B4GALNT3: variants seen among roughly 807,000 people sequenced by gnomAD.
B4GALNT3 encodes beta-1,4-N-acetylgalactosaminyltransferase 3.
In B4GALNT3, 86 loss-of-function variants were observed where a neutral mutation model predicts 120.2. The ratio of observed to expected loss-of-function variants is 0.72; its 90% CI spans 0.60 to 0.86. The LOEUF (loss-of-function observed/expected upper bound fraction) is 0.86, where lower values mean the gene tolerates loss of function less well. Ranked by LOEUF, B4GALNT3 falls within the 40% of genes least tolerant of loss-of-function variation. The pLI, the probability that B4GALNT3 is intolerant of heterozygous loss-of-function variation, is 0.00. For missense variants in B4GALNT3, 1,167 were observed against 1,298.9 expected (o/e 0.90, Z 1.56); for synonymous variants, 518 against 510.4 (o/e 1.01, Z -0.20).
intron 1 of B4GALNT3, among the ~76,000 whole-genome samples, chr12:491,404 A>G (rs1946338607): frequency 6.7e-6 from 1 of 150,222 alleles, no homozygotes; most frequent in South Asian, 2.1e-4. Flanking sequence ...ATCTTGGCTC[A>G]CTGCAGCCTC....
chr12:522,536 T>C (rs1231261315), intron 1 of B4GALNT3, among the ~76,000 whole-genome samples: 1 of 152,178 alleles, frequency 6.6e-6, no homozygotes, highest in Non-Finnish European at 1.5e-5. Flanking sequence ...AGTTCGTGTT[T>C]AATGGGTACG....
At position 470,204 on chromosome 12, in the gene B4GALNT3, C is replaced by T. The variant is rs77955453; in HGVS notation, c.169+9659C>T. Among the ~76,000 whole-genome samples, 665 of 152,290 alleles carry T rather than the reference C, an allele frequency of 4.4e-3. 10 individuals are homozygous for T. The highest frequency in any genetic ancestry group is 0.035 in the East Asian group (179 of 5,176). On this transcript the variant is annotated intron_variant, in intron 1 of 19. Coordinates refer to ENST00000266383, the MANE Select transcript of B4GALNT3 (RefSeq NM_173593.4). ...TGGCCCTGGTCTTTCAAGGCTCAGT[C>T]GCCTGAACCGAGAGGTGGCAGCTCT...
intron 1 of B4GALNT3, among the ~76,000 whole-genome samples, chr12:466,581 TG>T (rs1946083045): frequency 6.6e-6 from 1 of 152,088 alleles, no homozygotes; most frequent in Non-Finnish European, 1.5e-5. Context: ...GTGGAAGAGG[TG>T]AGAATAGTCG....
intron 1 of B4GALNT3, among the ~76,000 whole-genome samples, chr12:514,944 G>A (rs567216059): frequency 3.3e-5 from 5 of 152,210 alleles, no homozygotes; most frequent in South Asian, 2.1e-4. Flanking sequence ...CAAGAGAATC[G>A]CTTGAACCTG....
intron 3 of B4GALNT3, among the ~76,000 whole-genome samples, chr12:538,908 C>T (rs377346935): frequency 1.3e-5 from 2 of 152,290 alleles, no homozygotes; most frequent in African/African-American, 4.8e-5. Flanking sequence ...GTTAATAATA[C>T]ACATCGTTTA....
At chr12:557,891 A>G in intron 16 of B4GALNT3, 125 bp from the exon 17 acceptor site, 1 of 1,458,524 alleles carries the variant, frequency 6.9e-7, no homozygotes, top group Non-Finnish European at 9.4e-7. Flanking sequence ...CTTTTCCCAG[A>G]GGGCTCACCT....
chr12:534,694 G>A (rs1353041479), intron 1 of B4GALNT3, among the ~76,000 whole-genome samples: 4 of 152,154 alleles, frequency 2.6e-5, no homozygotes, highest in Admixed American at 6.5e-5. Flanking sequence ...TCTCAGCTCC[G>A]GCTCTATCCA....
At chr12:485,015 T>C (rs1946277882) in intron 1 of B4GALNT3, among the ~76,000 whole-genome samples, 1 of 152,082 alleles carries the variant, frequency 6.6e-6, no homozygotes, top group Non-Finnish European at 1.5e-5. Flanking sequence ...ATAGACAAAA[T>C]ATACACGTCA....
rs781027620 is a variant in B4GALNT3, at chr12:544,410, C to T, written c.423C>T (p.Asn141=). ...GCTCTATCCAGCAGCTCAGGAGGAA[C>T]CTGCATTTCCCACTGTACCCCCATG... The part of the protein sequence containing the change: ...CGSSIQQLRR[N]LHFPLYPHIR... The change falls in exon 4 of 20, where the codon AAC becomes AAT. Residue 141 remains asparagine, a synonymous_variant. Transcript: ENST00000266383. 9 of 1,613,646 alleles carry T rather than the reference C, an allele frequency of 5.6e-6. No homozygotes were observed. Among genetic ancestry groups the T allele is most frequent in the Middle Eastern group, 1.6e-4 (1 of 6,080 alleles).
chr12:506,689 T>G (rs931732397), intron 1 of B4GALNT3, among the ~76,000 whole-genome samples: 11 of 152,106 alleles, frequency 7.2e-5, no homozygotes, highest in African/African-American at 2.2e-4. Context: ...CAGGCTGGAG[T>G]GCAGTGGCGC....
chr12:549,379 T>G (rs1274513870), intron 9 of B4GALNT3, among the ~76,000 whole-genome samples: 1 of 152,240 alleles, frequency 6.6e-6, no homozygotes, highest in Non-Finnish European at 1.5e-5. Context: ...TGTGGTGCTT[T>G]TGGAGATTAG....
intron 1 of B4GALNT3, among the ~76,000 whole-genome samples, chr12:488,727 G>A (rs1202135329): frequency 6.6e-6 from 1 of 152,036 alleles, no homozygotes; most frequent in Non-Finnish European, 1.5e-5. Context: ...GGCAGAGGTG[G>A]GAGGACTGCT....
At chr12:558,122 T>A (rs548153463) in intron 17 of B4GALNT3, 34 bp downstream of exon 17, 1 of 1,605,350 alleles carries the variant, frequency 6.2e-7, no homozygotes, top group South Asian at 1.1e-5. Flanking sequence ...CGAGATGGAA[T>A]TCAAGGCTGG....
chr12:547,904 C>T (rs925715809), intron 7 of B4GALNT3, 120 bp from the exon 8 acceptor site: 5 of 819,218 alleles, frequency 6.1e-6, no homozygotes, highest in South Asian at 3.0e-5. Context: ...TAACTCCTGG[C>T]ATTCTAAGAG....
intron 1 of B4GALNT3, among the ~76,000 whole-genome samples, chr12:494,293 G>GAA (rs11412767): frequency 0.1 from 13,902 of 139,580 alleles, 1,000 homozygotes; most frequent in Admixed American, 0.23. Context: ...TACCTTGAAA[G>GAA]AAAAAAAAAA....
chr12:501,449 C>T (rs576511583), intron 1 of B4GALNT3, among the ~76,000 whole-genome samples: 31 of 152,126 alleles, frequency 2.0e-4, no homozygotes, highest in Admixed American at 1.5e-3. Context: ...GGTGTGGTGG[C>T]GCACACCTGT....
chr12:501,938 G>A (rs1946448031), intron 1 of B4GALNT3, among the ~76,000 whole-genome samples: 1 of 152,208 alleles, frequency 6.6e-6, no homozygotes. Flanking sequence ...TGACTTGATG[G>A]ATTCACGTGA....
intron 1 of B4GALNT3, among the ~76,000 whole-genome samples, chr12:471,382 C>A (rs1946133625): frequency 2.6e-5 from 3 of 114,590 alleles, no homozygotes; most frequent in Non-Finnish European, 5.5e-5. Flanking sequence ...GAGACTCTGT[C>A]TCAATAAATA....
rs531107548 is a variant in B4GALNT3, at chr12:460,843, C to T, written c.169+298C>T. On this transcript the variant is annotated intron_variant, in intron 1 of 19. Coordinates refer to ENST00000266383, the MANE Select transcript of B4GALNT3 (RefSeq NM_173593.4). This position sits in a 1 kb window ranked among gnomAD's most constrained non-coding sequence, Gnocchi z 8.0. ...CCCGGAGAGAGGCTCCCCGCCCGTC[C>T]CGCCGAGACGCTGGCGGAGACCGGG... Among the ~76,000 whole-genome samples the T allele has an allele frequency of 4.6e-3, 698 of 152,146 alleles. 15 individuals are homozygous for T. Among genetic ancestry groups the T allele is most frequent in the East Asian group, 0.034 (174 of 5,112 alleles).
Sources: gnomAD v4.1 joint callset for allele counts (sites outside exome capture counted in the v4.1 genomes callset) on GRCh38, gnomAD v4.1.1 for gene constraint, Gnocchi (gnomAD v3.1) non-coding constraint, MANE v1.5 for transcripts, NCBI Gene and HGNC (gene_info 2026-07-23, HGNC 2026-07-21) for gene names.